The following CSMD1 variants were observed in gnomAD, a reference collection of about 807,000 sequenced individuals.
CSMD1 encodes the protein CUB and sushi domain-containing protein 1.
In CSMD1, 213 loss-of-function variants were observed where a neutral mutation model predicts 417.5. The ratio of observed to expected loss-of-function variants is 0.51; its 90% confidence interval spans 0.46 to 0.57. The LOEUF (loss-of-function observed/expected upper bound fraction) is 0.57, where lower values mean the gene tolerates loss of function less well. CSMD1 is among the 20% of genes least tolerant of loss of function. The pLI, the probability that CSMD1 is intolerant of heterozygous loss-of-function variation, is 0.00. For missense variants in CSMD1, 6,923 were observed against 4,529.7 expected (o/e 1.53, Z -15.17); for synonymous variants, 2,862 against 1,736.8 (o/e 1.65, Z -16.11).
chr8:3,957,603 G>C (rs796851270), intron 5 of CSMD1, among the ~76,000 whole-genome samples: 15 of 152,238 alleles, frequency 9.9e-5, no homozygotes, highest in South Asian at 6.2e-4. Context: ...CAGATGGCTT[G>C]ATCTCAGGAG....
intron 1 of CSMD1, among the ~76,000 whole-genome samples, chr8:4,900,255 G>A (rs1437123546): frequency 2.0e-5 from 3 of 152,154 alleles, no homozygotes; most frequent in Non-Finnish European, 2.9e-5. Flanking sequence ...ACCTGCCAGT[G>A]TCACCTTCTT....
At chr8:4,772,471 G>C (rs1000150761) in intron 1 of CSMD1, among the ~76,000 whole-genome samples, 1 of 152,064 alleles carries the variant, frequency 6.6e-6, no homozygotes, top group Non-Finnish European at 1.5e-5. Context: ...AGCGTCATCC[G>C]GTCATGGAGC....
chr8:4,916,944 G>A (rs4503116), intron 1 of CSMD1, among the ~76,000 whole-genome samples: 2 of 152,000 alleles, frequency 1.3e-5, no homozygotes, highest in South Asian at 2.1e-4. Flanking sequence ...TGTGAGACAT[G>A]TCATTAGGCA....
intron 12 of CSMD1, among the ~76,000 whole-genome samples, chr8:3,443,485 TC>T (rs1815119506): frequency 6.6e-6 from 1 of 152,206 alleles, no homozygotes; most frequent in Non-Finnish European, 1.5e-5. Flanking sequence ...TATAGAGATA[TC>T]TACATATGTG....
chr8:3,031,269 T>A (rs598890), intron 50 of CSMD1, among the ~76,000 whole-genome samples: 8,775 of 132,224 alleles, frequency 0.066, 519 homozygotes, highest in African/African-American at 0.17. Context: ...AACAACAAGA[T>A]CACATGGACA....
At chr8:4,362,574 G>A (rs1363577040) in intron 3 of CSMD1, among the ~76,000 whole-genome samples, 3 of 152,182 alleles carry the variant, frequency 2.0e-5, no homozygotes, top group African/African-American at 4.8e-5. Context: ...ATAGCCCCGT[G>A]AAGTGTAGCA....
chr8:3,506,984 GAGTTTC>G (rs1325021385), intron 10 of CSMD1, among the ~76,000 whole-genome samples: 1 of 152,126 alleles, frequency 6.6e-6, no homozygotes, highest in Non-Finnish European at 1.5e-5. Context: ...CTTTGATATA[GAGTTTC>G]TAATATACAT....
intron 1 of CSMD1, among the ~76,000 whole-genome samples, chr8:4,686,973 A>C (rs931783692): frequency 6.6e-6 from 1 of 152,226 alleles, no homozygotes; most frequent in South Asian, 2.1e-4. Flanking sequence ...TGAACGGCAC[A>C]CAGGGAGGTG....
At chr8:4,992,273 T>G (rs1297313787) in intron 1 of CSMD1, among the ~76,000 whole-genome samples, 1 of 151,840 alleles carries the variant, frequency 6.6e-6, no homozygotes, top group South Asian at 2.1e-4. Flanking sequence ...CCCACCCGCG[T>G]GGGGGCGGAA....
intron 3 of CSMD1, among the ~76,000 whole-genome samples, chr8:4,044,592 T>C (rs764114061): frequency 1.3e-5 from 2 of 152,186 alleles, no homozygotes; most frequent in South Asian, 2.1e-4. Flanking sequence ...GATAATTAAA[T>C]CCGGGTCTCA....
intron 5 of CSMD1, among the ~76,000 whole-genome samples, chr8:3,798,142 T>C (rs1478194668): frequency 1.3e-5 from 2 of 152,062 alleles, no homozygotes; most frequent in Admixed American, 1.3e-4. Flanking sequence ...TAAATATGTT[T>C]AGTGCATCAT....
At chr8:4,981,914 TAACCTGGTTTG>T (rs1193190140) in intron 1 of CSMD1, among the ~76,000 whole-genome samples, 1 of 152,102 alleles carries the variant, frequency 6.6e-6, no homozygotes, top group Non-Finnish European at 1.5e-5. Context: ...ACCCCACTCC[TAACCTGGTTTG>T]AGCCATGCTA....
chr8:3,562,191 G>A (rs756371133), intron 10 of CSMD1, among the ~76,000 whole-genome samples: 1 of 152,110 alleles, frequency 6.6e-6, no homozygotes, highest in Non-Finnish European at 1.5e-5. Flanking sequence ...AAGATGGAAA[G>A]TGAATGTTAA....
chr8:3,117,937 T>C (rs1351305786), intron 42 of CSMD1, among the ~76,000 whole-genome samples: 1 of 152,172 alleles, frequency 6.6e-6, no homozygotes, highest in African/African-American at 2.4e-5. Context: ...ACTACAAAAA[T>C]GAGCTCATTT....
chr8:4,912,005 G>C (rs116227042), intron 1 of CSMD1, among the ~76,000 whole-genome samples: 1,910 of 150,592 alleles, frequency 0.013, 36 homozygotes, highest in African/African-American at 0.044. Context: ...TACTCTTTTG[G>C]TCTTTCTTCT....
intron 49 of CSMD1, among the ~76,000 whole-genome samples, chr8:3,084,510 G>T (rs1386894153): frequency 1.7e-5 from 1 of 58,118 alleles, no homozygotes; most frequent in Non-Finnish European, 3.4e-5. Flanking sequence ...GGCAACAAAA[G>T]CAAAACTCCG....
chr8:3,817,193 T>C (rs1398772309), intron 5 of CSMD1, among the ~76,000 whole-genome samples: 3 of 139,028 alleles, frequency 2.2e-5, no homozygotes, highest in Admixed American at 7.9e-5. Flanking sequence ...CCAATGAAAA[T>C]GGTCAATTGT....
At chr8:4,543,089 A>G (rs868483475) in intron 2 of CSMD1, among the ~76,000 whole-genome samples, 2 of 152,196 alleles carry the variant, frequency 1.3e-5, no homozygotes, top group African/African-American at 2.4e-5. Flanking sequence ...AGTTTTCCCT[A>G]TTATCAACAT....
At chr8:3,672,058 C>T (rs1799098082) in intron 7 of CSMD1, among the ~76,000 whole-genome samples, 1 of 152,162 alleles carries the variant, frequency 6.6e-6, no homozygotes, top group Non-Finnish European at 1.5e-5. Context: ...ACAAAGTCAA[C>T]ATCTTATCTT....
Sources: allele counts gnomAD v4.1 joint callset (sites outside exome capture counted in the v4.1 genomes callset), GRCh38; gene constraint gnomAD v4.1.1; transcripts MANE v1.5; gene names NCBI Gene and HGNC (gene_info 2026-07-23, HGNC 2026-07-21).